MYT1L: variants seen among roughly 807,000 people sequenced by gnomAD.
The protein encoded by MYT1L is myelin transcription factor 1-like protein.
A neutral mutation model predicts 126.7 loss-of-function variants in MYT1L; 12 were observed. The observed-to-expected ratio is 0.09, with a 90% CI of 0.06 to 0.15. MYT1L has a LOEUF of 0.15. MYT1L is among the 10% of genes least tolerant of loss of function. The pLI, the probability that MYT1L is intolerant of heterozygous loss-of-function variation, is 1.00. For missense variants in MYT1L, 979 were observed against 1,585.2 expected (o/e 0.62, Z 6.49); for synonymous variants, 541 against 604.2 (o/e 0.90, Z 1.53).
intron 21 of MYT1L, among the ~76,000 whole-genome samples, chr2:1,821,310 AT>A (rs113753194): frequency 0.099 from 14,932 of 151,030 alleles, 1,102 homozygotes; most frequent in African/African-American, 0.2. Flanking sequence ...TGAATTCTTT[AT>A]TTTTTTTTAA....
intron 3 of MYT1L, among the ~76,000 whole-genome samples, chr2:2,086,268 G>A (rs980243752): frequency 6.6e-6 from 1 of 152,128 alleles, no homozygotes. Flanking sequence ...TTGTGTCAAC[G>A]GAGCACTCCA....
intron 2 of MYT1L, among the ~76,000 whole-genome samples, chr2:2,219,406 T>G (rs916078679): frequency 6.6e-6 from 1 of 152,234 alleles, no homozygotes. Flanking sequence ...CCTCCCCATC[T>G]AATTAGGAAT....
chr2:2,009,675 G>A (rs113964412), intron 4 of MYT1L, among the ~76,000 whole-genome samples: 8,241 of 152,172 alleles, frequency 0.054, 284 homozygotes, highest in African/African-American at 0.081. Flanking sequence ...TCCTTCTGAA[G>A]TGGATCCCTT....
intron 3 of MYT1L, among the ~76,000 whole-genome samples, chr2:2,144,772 T>C (rs2084623025): frequency 6.6e-6 from 1 of 152,180 alleles, no homozygotes; most frequent in African/African-American, 2.4e-5. Context: ...TAAATGTTAT[T>C]TTTAATAGAC....
chr2:1,971,018 A>G (rs1218015610), intron 8 of MYT1L, among the ~76,000 whole-genome samples: 1 of 152,056 alleles, frequency 6.6e-6, no homozygotes, highest in Non-Finnish European at 1.5e-5. Context: ...GAATTATTTA[A>G]AAAATATATC....
At chr2:2,060,247 C>G (rs979065450) in intron 3 of MYT1L, among the ~76,000 whole-genome samples, 8 of 152,068 alleles carry the variant, frequency 5.3e-5, no homozygotes, top group Admixed American at 1.3e-4. Context: ...ATTTTCACAT[C>G]GTATAGAACA....
chr2:2,141,958 T>G (rs185755052), intron 3 of MYT1L, among the ~76,000 whole-genome samples: 42 of 152,328 alleles, frequency 2.8e-4, no homozygotes, highest in Admixed American at 5.2e-4. Context: ...CACGTCCTCA[T>G]CTGTTATTTT....
At chr2:2,320,025 C>T (rs1186611151) in intron 1 of MYT1L, among the ~76,000 whole-genome samples, 2 of 152,118 alleles carry the variant, frequency 1.3e-5, no homozygotes, top group African/African-American at 4.8e-5. Flanking sequence ...CCCTGCCTGC[C>T]AACCATTGTT....
chr2:2,063,095 CTT>C (rs946292901), intron 3 of MYT1L, among the ~76,000 whole-genome samples: 16 of 152,266 alleles, frequency 1.1e-4, no homozygotes, highest in African/African-American at 3.1e-4. Context: ...TCTCACCTCT[CTT>C]GTGAGATTTT....
At chr2:2,216,789 AAGAG>A (rs112941406) in intron 2 of MYT1L, among the ~76,000 whole-genome samples, 20,266 of 150,586 alleles carry the variant, frequency 0.13, 1,359 homozygotes, top group Non-Finnish European at 0.15. Flanking sequence ...AGGAGAGAGA[AAGAG>A]AGAGAGAGAG....
chr2:2,005,343 CCTTTCCTGCATGCGTT>C (rs780213644), intron 4 of MYT1L, among the ~76,000 whole-genome samples: 47 of 123,714 alleles, frequency 3.8e-4, no homozygotes, highest in Non-Finnish European at 6.9e-4. Context: ...TTCCTGTGTG[CCTTTCCTGCATGCGTT>C]CTTTCCTGCA....
chr2:2,138,455 CAAT>C (rs1179745711), intron 3 of MYT1L, among the ~76,000 whole-genome samples: 8 of 142,654 alleles, frequency 5.6e-5, no homozygotes, highest in Non-Finnish European at 1.1e-4. Flanking sequence ...AAATGTCCAA[CAAT>C]GATAGACTGG....
At chr2:1,810,301 G>A (rs1449679960) in intron 21 of MYT1L, among the ~76,000 whole-genome samples, 1 of 151,870 alleles carries the variant, frequency 6.6e-6, no homozygotes, top group Non-Finnish European at 1.5e-5. Context: ...CACCACACCT[G>A]GCTAATTTTT....
At chr2:1,813,151 T>C (rs1442125470) in intron 21 of MYT1L, among the ~76,000 whole-genome samples, 1 of 152,164 alleles carries the variant, frequency 6.6e-6, no homozygotes, top group African/African-American at 2.4e-5. Flanking sequence ...TGTTTGCGAA[T>C]GGCATTGAGG....
intron 21 of MYT1L, 119 bp downstream of exon 21, chr2:1,839,029 CT>C: frequency 2.2e-6 from 2 of 895,578 alleles, no homozygotes; most frequent in Non-Finnish European, 3.3e-6. Context: ...AGTTTTCAGC[CT>C]TTTCTTTCTA....
rs759575475 is a variant in MYT1L at position 1,843,428 on chromosome 2, T to C, written c.2775-2585A>G. ...TCCTACCCAGGGAGAGTTACTACGGTATCCTACCCAGGGAGAATTACTATG... is the reference window on the plus strand; with the variant it reads ...TCCTACCCAGGGAGAGTTACTACGGCATCCTACCCAGGGAGAATTACTATG... On this transcript the variant is annotated intron_variant, in intron 19 of 24. Transcript: ENST00000647738. Among the ~76,000 whole-genome samples, 110 of 151,888 alleles carry C rather than the reference T, an allele frequency of 7.2e-4. 1 individual carries two copies. The highest frequency in any genetic ancestry group is 1.2e-3 in the Admixed American group (18 of 15,270).
intron 3 of MYT1L, among the ~76,000 whole-genome samples, chr2:2,134,066 CA>C (rs2082724314): frequency 6.6e-6 from 1 of 152,156 alleles, no homozygotes; most frequent in Non-Finnish European, 1.5e-5. Context: ...GTGTGGTGAT[CA>C]AACACAATTC....
chr2:1,846,961 T>A lies in MYT1L; in HGVS notation c.2774+4680A>T, dbSNP rs566701229. Among the ~76,000 whole-genome samples the A allele has an allele frequency of 6.4e-4, 97 of 152,328 alleles. 1 individual carries two copies. Among genetic ancestry groups the A allele is most frequent in the Admixed American group, 2.1e-3 (32 of 15,302 alleles). ...CATGACATCAAGCCTGTTTCTTCAC[T>A]GTCTTCTTCAGGACCTGGTGATGTC... On this transcript the variant is annotated intron_variant, in intron 19 of 24. Coordinates refer to ENST00000647738, the MANE Select transcript of MYT1L (RefSeq NM_001303052.2).
At chr2:1,797,462 T>C (rs544182568) in intron 23 of MYT1L, among the ~76,000 whole-genome samples, 94 of 152,238 alleles carry the variant, frequency 6.2e-4, no homozygotes, top group South Asian at 3.1e-3. Flanking sequence ...CCTCGTGATC[T>C]GCCCGCCTCG....
Sources: allele counts gnomAD v4.1 joint callset (sites outside exome capture counted in the v4.1 genomes callset), GRCh38; gene constraint gnomAD v4.1.1; transcripts MANE v1.5; gene names NCBI Gene and HGNC (gene_info 2026-07-23, HGNC 2026-07-21).